The following POU6F2 variants were observed in gnomAD, a reference collection of about 807,000 sequenced individuals.
The protein encoded by POU6F2 is POU class 6 homeobox 2.
In POU6F2, 31 loss-of-function variants were observed where a neutral mutation model predicts 71.3. That is an observed-to-expected ratio of 0.43 (90% confidence interval 0.33 to 0.59). The LOEUF is 0.59. Among genes scored for constraint, POU6F2 ranks in the 20% least tolerant of loss-of-function variants. POU6F2 has a pLI of 0.04. For missense variants in POU6F2, 783 were observed against 856.8 expected, an observed-to-expected ratio of 0.91 and a Z score of 1.07; for synonymous variants, 347 against 355.7, an observed-to-expected ratio of 0.98 and a Z score of 0.27.
At chr7:39,268,486 C>T (rs1331959828) in intron 4 of POU6F2, among the ~76,000 whole-genome samples, 2 of 152,094 alleles carry the variant, frequency 1.3e-5, no homozygotes, top group African/African-American at 4.8e-5. Flanking sequence ...AGAGATAGAA[C>T]TGCTGTTAAG....
At chr7:39,452,160 G>A (rs992857510) in intron 8 of POU6F2, among the ~76,000 whole-genome samples, 3 of 152,198 alleles carry the variant, frequency 2.0e-5, no homozygotes, top group South Asian at 2.1e-4. Flanking sequence ...GCCTGTGGGC[G>A]GGTGGGTGTG....
At chr7:39,081,432 A>G (rs1481188628) in intron 1 of POU6F2, among the ~76,000 whole-genome samples, 2 of 152,240 alleles carry the variant, frequency 1.3e-5, no homozygotes, top group African/African-American at 4.8e-5. Context: ...TGAGTTTTCC[A>G]CATGGGTATG....
In POU6F2 at chr7:38,987,936, T is replaced by G. The variant is rs1028825941; in HGVS notation, c.105+9878T>G. On this transcript the variant is annotated intron_variant, in intron 1 of 9. Coordinates refer to ENST00000518318, the MANE Select transcript of POU6F2 (RefSeq NM_001370959.1). ...GTGTGTTCTTTTTCCCTCTTGTTTCTTCCTTCCAGATGCTAAGACAAGTAT... is the reference window on the plus strand; with the variant it reads ...GTGTGTTCTTTTTCCCTCTTGTTTCGTCCTTCCAGATGCTAAGACAAGTAT... 2.2e-4 allele frequency among the ~76,000 whole-genome samples: 33 copies of G among 152,134 alleles called. 2 individuals carry two copies. The highest frequency in any genetic ancestry group is 2.1e-3 in the East Asian group (11 of 5,194).
intron 2 of POU6F2, among the ~76,000 whole-genome samples, chr7:39,120,141 G>C (rs1214239222): frequency 3.9e-5 from 6 of 152,162 alleles, no homozygotes; most frequent in African/African-American, 1.4e-4. Context: ...GATAAATTCA[G>C]TTCTATATTA....
intron 5 of POU6F2, among the ~76,000 whole-genome samples, chr7:39,352,845 C>T (rs746473023): frequency 5.9e-5 from 9 of 151,950 alleles, no homozygotes; most frequent in Non-Finnish European, 1.0e-4. Context: ...GCTTCCATCA[C>T]CCAGGTAATG....
intron 4 of POU6F2, among the ~76,000 whole-genome samples, chr7:39,229,661 T>C (rs937769791): frequency 9.2e-5 from 14 of 152,328 alleles, no homozygotes; most frequent in South Asian, 2.1e-4. Flanking sequence ...GATGTTAAAG[T>C]TTTCTCAGTA....
chr7:39,320,092 A>C (rs905496479), intron 4 of POU6F2, among the ~76,000 whole-genome samples: 1 of 152,220 alleles, frequency 6.6e-6, no homozygotes, highest in Non-Finnish European at 1.5e-5. Context: ...TAGCTCACTC[A>C]GAATGAACCT....
chr7:39,441,971 A>G (rs144249171), intron 7 of POU6F2, among the ~76,000 whole-genome samples: 537 of 152,322 alleles, frequency 3.5e-3, no homozygotes, highest in African/African-American at 0.012. Flanking sequence ...GGAAGAAGAA[A>G]GTCCCAATAT....
At chr7:39,070,058 G>C (rs1180945911) in intron 1 of POU6F2, among the ~76,000 whole-genome samples, 1 of 152,152 alleles carries the variant, frequency 6.6e-6, no homozygotes, top group Non-Finnish European at 1.5e-5. Context: ...CTGGCCACAC[G>C]TGCCCAGGGA....
chr7:39,048,515 T>C (rs1303140856), intron 1 of POU6F2, among the ~76,000 whole-genome samples: 1 of 151,908 alleles, frequency 6.6e-6, no homozygotes, highest in Non-Finnish European at 1.5e-5. Context: ...ATGGACATGA[T>C]CTCATTCTTT....
At chr7:39,144,548 A>G (rs1033914652) in intron 2 of POU6F2, among the ~76,000 whole-genome samples, 1 of 152,212 alleles carries the variant, frequency 6.6e-6, no homozygotes, top group Non-Finnish European at 1.5e-5. Flanking sequence ...GATTATTTGG[A>G]AAGTTGCTGT....
rs1455350749 is a variant in POU6F2, at chr7:39,157,617, T to G, written c.278-46618T>G. On this transcript the variant is annotated intron_variant, in intron 2 of 9. Transcript: ENST00000518318. Reference sequence around the variant, plus strand: ...TAAGGAATTAATTTACAGCTACATTTACTTGGCAAATAAAACCGTATTAAG... The same window carrying G: ...TAAGGAATTAATTTACAGCTACATTGACTTGGCAAATAAAACCGTATTAAG... 3.3e-5 allele frequency among the ~76,000 whole-genome samples: 5 copies of G among 152,226 alleles called. No homozygotes were observed. In the East Asian group the frequency reaches 9.6e-4, roughly 29 times the overall value.
At chr7:39,279,689 T>G (rs991877901) in intron 4 of POU6F2, among the ~76,000 whole-genome samples, 1 of 152,204 alleles carries the variant, frequency 6.6e-6, no homozygotes, top group Non-Finnish European at 1.5e-5. Flanking sequence ...ACTCCAATAC[T>G]CCATCTTCCC....
chr7:39,424,486 T>C (rs534650306), intron 6 of POU6F2, among the ~76,000 whole-genome samples: 316 of 152,236 alleles, frequency 2.1e-3, no homozygotes, highest in Non-Finnish European at 3.4e-3. Flanking sequence ...TTTTAAAACA[T>C]GTGTTCGTGG....
At chr7:39,359,896 G>A (rs1583549600) in intron 5 of POU6F2, among the ~76,000 whole-genome samples, 1 of 152,234 alleles carries the variant, frequency 6.6e-6, no homozygotes, top group Middle Eastern at 3.4e-3. Flanking sequence ...TATAATTAAA[G>A]ACTAATCAAG....
chr7:39,335,105 G>A (rs1302433178), intron 4 of POU6F2, among the ~76,000 whole-genome samples: 1 of 152,186 alleles, frequency 6.6e-6, no homozygotes, highest in Non-Finnish European at 1.5e-5. Context: ...TCTAAGCATG[G>A]AGGAGGCATT....
intron 1 of POU6F2, among the ~76,000 whole-genome samples, chr7:39,032,868 TTTCTCGTGACACACATC>T (rs1406774314): frequency 6.6e-6 from 1 of 152,168 alleles, no homozygotes; most frequent in Non-Finnish European, 1.5e-5. Context: ...CTAGGCTTGT[TTTCTCGTGACACACATC>T]TTCTGTCTAA....
intron 4 of POU6F2, among the ~76,000 whole-genome samples, chr7:39,270,858 T>C (rs773256678): frequency 2.2e-4 from 34 of 152,194 alleles, no homozygotes; most frequent in Non-Finnish European, 3.5e-4. Context: ...TCAATTCAGC[T>C]AGTAACTTCG....
At chr7:39,251,464 A>G (rs1783914138) in intron 4 of POU6F2, among the ~76,000 whole-genome samples, 1 of 152,146 alleles carries the variant, frequency 6.6e-6, no homozygotes, top group Admixed American at 6.6e-5. Flanking sequence ...GTGGAGGAGG[A>G]AGAGCTGGTT....
Sources: gnomAD v4.1 joint callset for allele counts (sites outside exome capture counted in the v4.1 genomes callset) on GRCh38, gnomAD v4.1.1 for gene constraint, MANE v1.5 for transcripts, NCBI Gene and HGNC (gene_info 2026-07-23, HGNC 2026-07-21) for gene names.